TMEM163: variants seen among roughly 807,000 people sequenced by gnomAD.
The protein encoded by TMEM163 is transmembrane protein 163.
TMEM163 carries 17 observed loss-of-function variants against 29.3 expected under a neutral mutation model. That is an observed-to-expected ratio of 0.58 (90% CI 0.40 to 0.87). The LOEUF is 0.87. Ranked by LOEUF, TMEM163 falls within the 40% of genes least tolerant of loss-of-function variation. The pLI, the probability that TMEM163 is intolerant of heterozygous loss-of-function variation, is 0.00. For synonymous variants in TMEM163, 157 were observed against 160.6 expected, an observed-to-expected ratio of 0.98 and a Z score of 0.17; for missense variants, 303 against 381.5, an observed-to-expected ratio of 0.79 and a Z score of 1.71.
At chr2:134,684,922 CAAAA>C (rs56956631) in intron 2 of TMEM163, among the ~76,000 whole-genome samples, 3 of 74,818 alleles carry the variant, frequency 4.0e-5, no homozygotes, top group Admixed American at 1.4e-4. Flanking sequence ...GACCCTGTCT[CAAAA>C]AAAAAAAAAA....
chr2:134,616,427 T>G (rs1350737935), intron 2 of TMEM163, among the ~76,000 whole-genome samples: 2 of 152,202 alleles, frequency 1.3e-5, no homozygotes, highest in Admixed American at 1.3e-4. Context: ...TTCTTTTTGT[T>G]TCAAAATCTT....
chr2:134,494,245 T>C (rs1265961016), intron 5 of TMEM163, among the ~76,000 whole-genome samples: 2 of 152,260 alleles, frequency 1.3e-5, no homozygotes, highest in East Asian at 1.9e-4. Flanking sequence ...TATTTTGTCT[T>C]GAGTAACAAC....
At chr2:134,551,467 GCT>G (rs1241286046) in intron 3 of TMEM163, among the ~76,000 whole-genome samples, 1 of 152,182 alleles carries the variant, frequency 6.6e-6, no homozygotes, top group Non-Finnish European at 1.5e-5. Flanking sequence ...GTTGAGAAGA[GCT>G]CTCTTTATGG....
intron 4 of TMEM163, among the ~76,000 whole-genome samples, chr2:134,508,836 G>A (rs568153437): frequency 1.3e-5 from 2 of 151,762 alleles, no homozygotes; most frequent in Non-Finnish European, 1.5e-5. Context: ...TGTGTTTGTG[G>A]AGCGGGTGAG....
chr2:134,539,435 A>G (rs1330457302), intron 4 of TMEM163, among the ~76,000 whole-genome samples: 8 of 152,212 alleles, frequency 5.3e-5, no homozygotes, highest in Non-Finnish European at 1.2e-4. Context: ...TATGCACAAT[A>G]GCACCCAGTG....
chr2:134,577,051 T>G (rs1344389038), intron 2 of TMEM163, among the ~76,000 whole-genome samples: 1 of 152,172 alleles, frequency 6.6e-6, no homozygotes, highest in African/African-American at 2.4e-5. Flanking sequence ...TATCTGTGAA[T>G]TCCTGCTCCA....
chr2:134,577,115 CT>C (rs1007320430), intron 2 of TMEM163, among the ~76,000 whole-genome samples: 1 of 152,152 alleles, frequency 6.6e-6, no homozygotes, highest in African/African-American at 2.4e-5. Context: ...CCAACAGACT[CT>C]TCTTGAACTT....
At chr2:134,653,796 C>T (rs1467149380) in intron 2 of TMEM163, among the ~76,000 whole-genome samples, 4 of 118,412 alleles carry the variant, frequency 3.4e-5, no homozygotes, top group Non-Finnish European at 5.0e-5. Flanking sequence ...GCCTTCATTT[C>T]GTTACGTACC....
At chr2:134,558,327 T>A (rs188797903) in intron 2 of TMEM163, among the ~76,000 whole-genome samples, 136 of 152,274 alleles carry the variant, frequency 8.9e-4, no homozygotes, top group African/African-American at 3.1e-3. Flanking sequence ...GGATGCTGCG[T>A]GTCACACACA....
In TMEM163 at chr2:134,623,114, A is replaced by G. The variant is rs144784489; in HGVS notation, c.323-71023T>C. On this transcript the variant is annotated intron_variant, in intron 2 of 7. Coordinates refer to ENST00000281924, the MANE Select transcript of TMEM163 (RefSeq NM_030923.5). Reference sequence around the variant, plus strand: ...CTAAGGATTTTCAGTGGACAGCACCAAGTCTTCCCTCCCATGCTATTTTCT... The same window carrying G: ...CTAAGGATTTTCAGTGGACAGCACCGAGTCTTCCCTCCCATGCTATTTTCT... Among the ~76,000 whole-genome samples the G allele has an allele frequency of 6.3e-3, 962 of 152,306 alleles. 8 individuals carry two copies. The highest frequency in any genetic ancestry group is 0.01 in the Non-Finnish European group (682 of 68,030).
chr2:134,529,049 C>T (rs1574210062), intron 4 of TMEM163, among the ~76,000 whole-genome samples: 1 of 152,136 alleles, frequency 6.6e-6, no homozygotes, highest in Admixed American at 6.6e-5. Context: ...TGTACCAACC[C>T]GGCCAGATGC....
At chr2:134,555,163 G>A (rs1331004276) in intron 2 of TMEM163, among the ~76,000 whole-genome samples, 2 of 152,194 alleles carry the variant, frequency 1.3e-5, no homozygotes, top group Non-Finnish European at 2.9e-5. Flanking sequence ...AGAGTGTCAA[G>A]TAGTAACTTC....
At chr2:134,685,969 T>A (rs1465498417) in intron 2 of TMEM163, among the ~76,000 whole-genome samples, 5 of 152,236 alleles carry the variant, frequency 3.3e-5, no homozygotes, top group Non-Finnish European at 7.3e-5. Context: ...AACAAGACTA[T>A]CTTCAGCTAT....
intron 2 of TMEM163, among the ~76,000 whole-genome samples, chr2:134,607,019 C>A (rs113484763): frequency 4.4e-5 from 6 of 135,416 alleles, no homozygotes; most frequent in Admixed American, 7.2e-5. Context: ...GGACAGACCC[C>A]GAGAACTGTG....
chr2:134,625,217 A>C (rs915167455), intron 2 of TMEM163, among the ~76,000 whole-genome samples: 2 of 152,214 alleles, frequency 1.3e-5, no homozygotes, highest in African/African-American at 4.8e-5. Context: ...ATTATAATAA[A>C]AGGTTTAATA....
intron 2 of TMEM163, among the ~76,000 whole-genome samples, chr2:134,627,950 C>G (rs531132832): frequency 6.6e-6 from 1 of 152,256 alleles, no homozygotes; most frequent in African/African-American, 2.4e-5. Context: ...AATGTATAAT[C>G]TATCTAATTA....
At chr2:134,668,129 G>C (rs763365517) in intron 2 of TMEM163, among the ~76,000 whole-genome samples, 1 of 152,190 alleles carries the variant, frequency 6.6e-6, no homozygotes, top group Non-Finnish European at 1.5e-5. Flanking sequence ...TGGTCCAAAA[G>C]TAGCAACTCA....
At chr2:134,621,154 A>T (rs1682722376) in intron 2 of TMEM163, among the ~76,000 whole-genome samples, 1 of 152,234 alleles carries the variant, frequency 6.6e-6, no homozygotes, top group African/African-American at 2.4e-5. Context: ...CTCAATTTTA[A>T]AAACAGGCTA....
chr2:134,462,120 T>G lies in TMEM163; in HGVS notation c.668-3947A>C, dbSNP rs1262540392. 4.0e-5 allele frequency among the ~76,000 whole-genome samples: 6 copies of G among 151,890 alleles called. 1 individual carries two copies. The highest frequency in any genetic ancestry group is 1.5e-4 in the African/African-American group (6 of 41,272). On this transcript the variant is annotated intron_variant, in intron 6 of 7. Coordinates refer to ENST00000281924, the MANE Select transcript of TMEM163 (RefSeq NM_030923.5). ...AAGGGCCACAGAGCACAGGGCCCCC[T>G]GGGAACAGGCTCGGGGGCGGGGGGC...
Sources: gnomAD v4.1 joint callset for allele counts (sites outside exome capture counted in the v4.1 genomes callset) on GRCh38, gnomAD v4.1.1 for gene constraint, MANE v1.5 for transcripts, NCBI Gene and HGNC (gene_info 2026-07-23, HGNC 2026-07-21) for gene names.